Variants in PLA2G4A observed in about 807,000 individuals in gnomAD.
PLA2G4A encodes the protein cytosolic phospholipase A2.
In PLA2G4A, 40 loss-of-function variants were observed where a neutral mutation model predicts 81.9. The observed-to-expected ratio is 0.49, with a 90% CI of 0.38 to 0.64. The LOEUF (loss-of-function observed/expected upper bound fraction) is 0.64. Ranked by LOEUF, PLA2G4A falls within the 30% of genes least tolerant of loss-of-function variation. PLA2G4A has a pLI of 0.00. For missense variants in PLA2G4A, 715 were observed against 905.1 expected, an observed-to-expected ratio of 0.79 and a Z score of 2.69; for synonymous variants, 302 against 296.9, an observed-to-expected ratio of 1.02 and a Z score of -0.18.
chr1:186,910,693 A>G (rs1403061484), intron 6 of PLA2G4A, among the ~76,000 whole-genome samples: 2 of 152,210 alleles, frequency 1.3e-5, no homozygotes, highest in African/African-American at 4.8e-5. Context: ...AAAGTCCTCT[A>G]GTGGTAAACT....
In PLA2G4A at chr1:186,830,949, GCTTGCTTGCTTTCTTTCTTTCTTT is replaced by G. The variant is rs1351122639; in HGVS notation, c.-70+1918_-70+1941del. Among the ~76,000 whole-genome samples the G allele has an allele frequency of 1.4e-3, 62 of 44,904 alleles. No homozygotes were observed. The East Asian group carries it at 0.019, about 13-fold the overall frequency. The allele number at this position is 44,904 out of a possible 152,430, so 29.5% of individuals were successfully genotyped here. A position where few individuals can be genotyped will look rare whatever the true frequency, so the allele number is the denominator to read the frequency against. ...TCCAGATTGTATAGCTTGCTTGCTT[GCTTGCTTGCTTTCTTTCTTTCTTT>G]CTTTCTTTCTTTCTTTCTTTCTTTC... On this transcript the variant is annotated intron_variant, in intron 1 of 17. Transcript: ENST00000367466.
intron 1 of PLA2G4A, among the ~76,000 whole-genome samples, chr1:186,841,429 TG>T (rs567268347): frequency 4.6e-5 from 7 of 151,998 alleles, no homozygotes; most frequent in Non-Finnish European, 8.8e-5. Flanking sequence ...CCAGTGCATG[TG>T]GGGGGCAGGG....
rs116485694 is a variant in PLA2G4A at position 186,921,905 on chromosome 1, G to A, written c.558+10516G>A. Among the ~76,000 whole-genome samples the A allele has an allele frequency of 7.8e-3, 1,190 of 152,118 alleles. 19 individuals carry two copies. The highest frequency in any genetic ancestry group is 0.027 in the African/African-American group (1,126 of 41,480). ...TAATTTACATATGGGAACTCATCTG[G>A]GTGCCCTGACTTACAGGTTACCCTG... On this transcript the variant is annotated intron_variant, in intron 7 of 17. Transcript: ENST00000367466.
At chr1:186,899,973 G>C (rs1472484794) in intron 5 of PLA2G4A, among the ~76,000 whole-genome samples, 2 of 152,146 alleles carry the variant, frequency 1.3e-5, no homozygotes, top group African/African-American at 4.8e-5. Flanking sequence ...AGTGAATTCA[G>C]CTCTTTCTTA....
chr1:186,972,121 T>G (rs574278820), intron 15 of PLA2G4A, among the ~76,000 whole-genome samples: 3 of 152,286 alleles, frequency 2.0e-5, no homozygotes, highest in African/African-American at 7.2e-5. Context: ...GTATCTGTGT[T>G]GTAACTGGCC....
At chr1:186,944,764 T>G (rs1656277414) in intron 10 of PLA2G4A, among the ~76,000 whole-genome samples, 1 of 152,168 alleles carries the variant, frequency 6.6e-6, no homozygotes, top group South Asian at 2.1e-4. Flanking sequence ...GTTTGGATTT[T>G]GGAGATATAA....
intron 8 of PLA2G4A, 55 bp from the exon 9 acceptor site, chr1:186,938,953 A>G: frequency 1.1e-6 from 1 of 922,712 alleles, no homozygotes; most frequent in Non-Finnish European, 1.8e-6. Context: ...CTTTCTTTGG[A>G]GACTGTTGTG....
At position 186,928,303 on chromosome 1, in the gene PLA2G4A, G is replaced by A. The variant is rs144166600; in HGVS notation, c.559-4460G>A. Among the ~76,000 whole-genome samples, 1,322 of 152,282 alleles carry A rather than the reference G, an allele frequency of 8.7e-3. 12 individuals carry two copies. Among genetic ancestry groups the A allele is most frequent in the Non-Finnish European group, 0.011 (725 of 68,020 alleles). On this transcript the variant is annotated intron_variant, in intron 7 of 17. Transcript: ENST00000367466. ...GGCAAGCAAATGTCCCATATCAGAAGCAATGGAGAAGCATATAAGACCAAG... is the reference window on the plus strand; with the variant it reads ...GGCAAGCAAATGTCCCATATCAGAAACAATGGAGAAGCATATAAGACCAAG...
At chr1:186,968,400 ATGTGTGTGTGTG>A (rs58475951) in intron 15 of PLA2G4A, among the ~76,000 whole-genome samples, 4 of 137,502 alleles carry the variant, frequency 2.9e-5, no homozygotes, top group Non-Finnish European at 6.2e-5. Context: ...CGCGGTGTGT[ATGTGTGTGTGTG>A]TGTGTGTGTG....
intron 12 of PLA2G4A, among the ~76,000 whole-genome samples, chr1:186,949,714 A>T (rs1656484171): frequency 6.6e-6 from 1 of 152,132 alleles, no homozygotes; most frequent in South Asian, 2.1e-4. Context: ...TCATTCACGC[A>T]CATTTTACTT....
At chr1:186,937,261 G>C (rs868695410) in intron 8 of PLA2G4A, among the ~76,000 whole-genome samples, 1,895 of 151,008 alleles carry the variant, frequency 0.013, 46 homozygotes, top group African/African-American at 0.044. Flanking sequence ...AAAAGAGAGA[G>C]AGAGAGAGAG....
chr1:186,891,410 G>A (rs992236614), intron 3 of PLA2G4A, among the ~76,000 whole-genome samples: 16 of 129,080 alleles, frequency 1.2e-4, no homozygotes, highest in African/African-American at 5.2e-4. Flanking sequence ...TTTTTCTGTT[G>A]TGTTTTTTTT....
At chr1:186,873,363 G>T (rs777578504) in intron 3 of PLA2G4A, among the ~76,000 whole-genome samples, 12 of 152,048 alleles carry the variant, frequency 7.9e-5, no homozygotes, top group Admixed American at 2.6e-4. Context: ...AGAACTATAA[G>T]AACTATTTTT....
chr1:186,887,040 C>T (rs1178837221), intron 3 of PLA2G4A, among the ~76,000 whole-genome samples: 1 of 152,126 alleles, frequency 6.6e-6, no homozygotes, highest in East Asian at 1.9e-4. Flanking sequence ...TTTAACGGCA[C>T]TGCAGATGAA....
At chr1:186,962,903 C>T (rs1459732835) in intron 14 of PLA2G4A, among the ~76,000 whole-genome samples, 2 of 152,152 alleles carry the variant, frequency 1.3e-5, no homozygotes, top group East Asian at 1.9e-4. Context: ...AGTGTCACAC[C>T]GTGCTTAGGG....
chr1:186,945,225 C>T (rs1378605512), intron 10 of PLA2G4A, among the ~76,000 whole-genome samples: 3 of 151,888 alleles, frequency 2.0e-5, no homozygotes, highest in African/African-American at 4.9e-5. Context: ...AACTTGACTT[C>T]TTTGAGGAAC....
In PLA2G4A at chr1:186,911,536, G is replaced by A. The variant is rs150139418; in HGVS notation, c.558+147G>A. ...AAGGTAAGGTAAGTGATTTGTAAAT[G>A]AAAACTCTTTGAGGAAGGTCATCAC... On this transcript the variant is annotated intron_variant, in intron 7 of 17. Transcript: ENST00000367466. The A allele has an allele frequency of 1.9e-3, 1,336 of 689,330 alleles. 5 individuals carry two copies. The highest frequency in any genetic ancestry group is 3.2e-3 in the Middle Eastern group (9 of 2,844). The allele number at this position is 689,330 out of a possible 1,614,324, so 42.7% of individuals were successfully genotyped here.
Position 186,932,746 on chromosome 1 carries a change from C to T in PLA2G4A, c.559-17C>T, listed in dbSNP as rs372988407. The stretch of plus-strand genomic sequence containing the variant: ...ATTTTTACTTTGTGTACAAATCTCT[C>T]TGTTGCATCGTTTCAGGTGCCTGTG... On this transcript the variant is annotated splice_polypyrimidine_tract_variant and intron_variant, in intron 7 of 17. Coordinates refer to ENST00000367466, the MANE Select transcript of PLA2G4A (RefSeq NM_024420.3). 5.9e-5 allele frequency: 95 copies of T among 1,611,930 alleles called. No individual in the cohort carries two copies. In the African/African-American group the frequency reaches 8.5e-4, roughly 14 times the overall value.
chr1:186,857,137 ATATAATT>A, intron 2 of PLA2G4A, among the ~76,000 whole-genome samples: 1 of 72,534 alleles, frequency 1.4e-5, no homozygotes, highest in Non-Finnish European at 2.7e-5. Context: ...AATATATATT[ATATAATT>A]ATATAATTAC....
Sources: allele counts gnomAD v4.1 joint callset (sites outside exome capture counted in the v4.1 genomes callset), GRCh38; gene constraint gnomAD v4.1.1; transcripts MANE v1.5; gene names NCBI Gene and HGNC (gene_info 2026-07-23, HGNC 2026-07-21).